ALK: variants seen among roughly 807,000 people sequenced by gnomAD.
ALK encodes the protein ALK tyrosine kinase receptor.
In ALK, 74 loss-of-function variants were observed where a neutral mutation model predicts 163.1. The ratio of observed to expected loss-of-function variants is 0.45; its 90% confidence interval spans 0.38 to 0.55. The LOEUF is 0.55. ALK is among the 20% of genes least tolerant of loss of function. ALK has a pLI of 0.00. For missense variants in ALK, 2,063 were observed against 2,105.3 expected (o/e 0.98, Z 0.39); for synonymous variants, 960 against 843.2 (o/e 1.14, Z -2.40).
chr2:29,794,530 A>G (rs981213611), intron 1 of ALK, among the ~76,000 whole-genome samples: 2 of 152,104 alleles, frequency 1.3e-5, no homozygotes, highest in Non-Finnish European at 2.9e-5. Flanking sequence ...TACTCACCAA[A>G]CTTAATCATG....
At chr2:29,446,623 A>G (rs1417694571) in intron 4 of ALK, among the ~76,000 whole-genome samples, 1 of 152,224 alleles carries the variant, frequency 6.6e-6, no homozygotes, top group Admixed American at 6.5e-5. Flanking sequence ...CAAGATCTCC[A>G]AGCTGAGCTG....
At chr2:29,402,333 C>T (rs554839353) in intron 4 of ALK, among the ~76,000 whole-genome samples, 52 of 152,348 alleles carry the variant, frequency 3.4e-4, no homozygotes, top group South Asian at 1.2e-3. Flanking sequence ...GCCTACTCGG[C>T]GTCTGGCCCA....
At position 29,227,065 on chromosome 2, in the gene ALK, C is replaced by T. The variant is rs1472378906; in HGVS notation, c.2924G>A (p.Gly975Asp). The change falls in exon 18 of 29, where the codon GGC (glycine) becomes GAC (aspartate). Residue 975 changes from glycine (G) to aspartate (D), a missense_variant. By Grantham distance (94) the Gly-to-Asp change is moderately conservative. Coordinates refer to ENST00000389048, the MANE Select transcript of ALK (RefSeq NM_004304.5). This position sits in a 1 kb window ranked among gnomAD's most constrained non-coding sequence, Gnocchi z 4.4. The stretch of plus-strand genomic sequence containing the variant: ...ATGCTTAATATTCACTTCCCCGTGG[C>T]CTTCCATCACTAGTGACAAGGAGGG... ...LYTPALKVME[G>D]HGEVNIKHYL... 6.2e-7 allele frequency: 1 copy of T among 1,614,170 alleles called. No homozygotes were observed. The highest frequency in any genetic ancestry group is 8.5e-7 in the Non-Finnish European group (1 of 1,180,040).
At chr2:29,281,801 C>T (rs998509798) in intron 9 of ALK, among the ~76,000 whole-genome samples, 115 of 152,200 alleles carry the variant, frequency 7.6e-4, no homozygotes, top group Non-Finnish European at 3.5e-4. Context: ...GGAGACTCAT[C>T]GGGCAGATCT....
At chr2:29,858,471 G>A (rs1249578344) in intron 1 of ALK, among the ~76,000 whole-genome samples, 1 of 151,806 alleles carries the variant, frequency 6.6e-6, no homozygotes, top group African/African-American at 2.4e-5. Flanking sequence ...GGTGGCTCAT[G>A]TCTATAATCC....
chr2:29,484,085 T>C (rs552967646), intron 4 of ALK, among the ~76,000 whole-genome samples: 31 of 152,140 alleles, frequency 2.0e-4, no homozygotes, highest in African/African-American at 7.2e-4. Context: ...GAGAACAGCA[T>C]GAAAAAAACC....
chr2:29,508,591 A>G lies in ALK; in HGVS notation c.1154+23324T>C, dbSNP rs182383650. Among the ~76,000 whole-genome samples the G allele has an allele frequency of 8.2e-3, 1,248 of 152,036 alleles. 9 individuals carry two copies. The highest frequency in any genetic ancestry group is 0.013 in the South Asian group (64 of 4,806). On this transcript the variant is annotated intron_variant, in intron 4 of 28. Coordinates refer to ENST00000389048, the MANE Select transcript of ALK (RefSeq NM_004304.5). ...GGGATAGCATTAGGAGATATACCTA[A>G]TGTTAAATGATGAGTTAATGGGTGC...
At chr2:29,641,841 GA>G (rs1676712211) in intron 3 of ALK, among the ~76,000 whole-genome samples, 1 of 152,164 alleles carries the variant, frequency 6.6e-6, no homozygotes, top group African/African-American at 2.4e-5. Flanking sequence ...CATATAAACA[GA>G]AACTTTTCTT....
chr2:29,478,142 A>G (rs1438146855), intron 4 of ALK, among the ~76,000 whole-genome samples: 1 of 152,240 alleles, frequency 6.6e-6, no homozygotes, highest in Non-Finnish European at 1.5e-5. Context: ...ACAGATAGAA[A>G]TATGAGGATT....
intron 3 of ALK, among the ~76,000 whole-genome samples, chr2:29,691,699 C>G (rs2631989): frequency 0.65 from 99,496 of 151,980 alleles, 35,973 homozygotes; most frequent in Non-Finnish European, 0.81. Context: ...CCTCTCCCCC[C>G]CTTCTTTTTT....
At chr2:29,676,327 T>C (rs1056311573) in intron 3 of ALK, among the ~76,000 whole-genome samples, 1 of 152,126 alleles carries the variant, frequency 6.6e-6, no homozygotes, top group African/African-American at 2.4e-5. Flanking sequence ...AGAAACTGTA[T>C]ACTTTTGGCT....
intron 9 of ALK, among the ~76,000 whole-genome samples, chr2:29,284,538 C>G (rs866359984): frequency 2.6e-5 from 4 of 152,116 alleles, no homozygotes; most frequent in Non-Finnish European, 5.9e-5. Flanking sequence ...ATTCGAACAT[C>G]CTGTTATTTT....
At chr2:29,397,127 C>G (rs1455438209) in intron 4 of ALK, among the ~76,000 whole-genome samples, 2 of 152,108 alleles carry the variant, frequency 1.3e-5, no homozygotes, top group African/African-American at 4.8e-5. Context: ...CTTAACCCCC[C>G]ATGCCTCAGA....
At chr2:29,600,702 T>C (rs1573490233) in intron 3 of ALK, among the ~76,000 whole-genome samples, 1 of 152,086 alleles carries the variant, frequency 6.6e-6, no homozygotes, top group South Asian at 2.1e-4. Context: ...TCAGGCCAGA[T>C]TGAACTTTGT....
chr2:29,325,547 T>G (rs1382035014), intron 6 of ALK, among the ~76,000 whole-genome samples: 1 of 152,140 alleles, frequency 6.6e-6, no homozygotes, highest in Admixed American at 6.5e-5. Context: ...TCCCTGTCTC[T>G]TCCTGGCCCC....
chr2:29,867,892 A>C (rs1242032936), intron 1 of ALK, among the ~76,000 whole-genome samples: 1 of 152,184 alleles, frequency 6.6e-6, no homozygotes, highest in Non-Finnish European at 1.5e-5. Context: ...AGATGACTAC[A>C]GACACAGTTG....
Position 29,655,925 on chromosome 2 carries a change from G to A in ALK, c.952+38925C>T, listed in dbSNP as rs1304548160. 3.3e-5 allele frequency among the ~76,000 whole-genome samples: 5 copies of A among 152,156 alleles called. No individual in the cohort carries two copies. The East Asian group carries it at 7.7e-4, about 24-fold the overall frequency. On this transcript the variant is annotated intron_variant, in intron 3 of 28. Transcript: ENST00000389048. The stretch of plus-strand genomic sequence containing the variant: ...CATGCTAGCTGGAGACTGGGTCATA[G>A]GAGAAGAGCTGCTGTGCTACTAAAT...
chr2:29,267,766 GC>G (rs1353275266), intron 11 of ALK, among the ~76,000 whole-genome samples: 6 of 152,188 alleles, frequency 3.9e-5, no homozygotes, highest in Non-Finnish European at 8.8e-5. Flanking sequence ...AACCACTGAA[GC>G]TTTGCTGCAA....
chr2:29,280,131 T>C (rs1443506107), intron 9 of ALK, among the ~76,000 whole-genome samples: 2 of 152,096 alleles, frequency 1.3e-5, no homozygotes, highest in Admixed American at 6.5e-5. Context: ...AGTTCTATCA[T>C]GTATGAGGTG....
Sources: gnomAD v4.1 joint callset for allele counts (sites outside exome capture counted in the v4.1 genomes callset) on GRCh38, gnomAD v4.1.1 for gene constraint, Gnocchi (gnomAD v3.1) non-coding constraint, MANE v1.5 for transcripts, NCBI Gene and HGNC (gene_info 2026-07-23, HGNC 2026-07-21) for gene names.